The following PSD3 variants were observed in gnomAD, a reference collection of about 807,000 sequenced individuals.
PSD3 encodes the protein PH and SEC7 domain-containing protein 3.
PSD3 carries 49 observed loss-of-function variants against 105.5 expected under a neutral mutation model. That is an observed-to-expected ratio of 0.46 (90% CI 0.37 to 0.59). The LOEUF is 0.59. Among genes scored for constraint, PSD3 ranks in the 20% least tolerant of loss-of-function variants. The pLI is 0.00. For missense variants in PSD3, 1,561 were observed against 1,263.8 expected, an observed-to-expected ratio of 1.24 and a Z score of -3.57; for synonymous variants, 557 against 457.8, an observed-to-expected ratio of 1.22 and a Z score of -2.77.
intron 1 of PSD3, among the ~76,000 whole-genome samples, chr8:19,047,229 C>T (rs1210947035): frequency 6.6e-6 from 1 of 152,182 alleles, no homozygotes; most frequent in Non-Finnish European, 1.5e-5. Context: ...ATTTGCAAGC[C>T]TGGAGGTCCC....
At chr8:18,970,256 C>A (rs1824551840) in intron 1 of PSD3, among the ~76,000 whole-genome samples, 1 of 125,310 alleles carries the variant, frequency 8.0e-6, no homozygotes. Context: ...ACCCGGGAGG[C>A]GGAGCTTGCA....
At chr8:18,965,776 A>C (rs1824201070) in intron 1 of PSD3, among the ~76,000 whole-genome samples, 1 of 152,216 alleles carries the variant, frequency 6.6e-6, no homozygotes, top group Non-Finnish European at 1.5e-5. Flanking sequence ...GGATATTTTC[A>C]CACCCATGAG....
chr8:18,887,268 T>C (rs991170744), intron 2 of PSD3, among the ~76,000 whole-genome samples: 1 of 152,238 alleles, frequency 6.6e-6, no homozygotes, highest in African/African-American at 2.4e-5. Flanking sequence ...ACACAAATCC[T>C]GCTTTGCCAG....
chr8:18,641,166 C>A (rs1463786278), intron 10 of PSD3, among the ~76,000 whole-genome samples: 1 of 152,162 alleles, frequency 6.6e-6, no homozygotes, highest in South Asian at 2.1e-4. Context: ...GTCCCAAAGT[C>A]CACCTTGTAC....
chr8:18,633,214 T>C (rs528239603), intron 10 of PSD3, among the ~76,000 whole-genome samples: 2 of 152,172 alleles, frequency 1.3e-5, no homozygotes, highest in East Asian at 3.9e-4. Flanking sequence ...TTGACTTACG[T>C]ATTTCTACAG....
chr8:19,033,865 T>A (rs1192975816), intron 1 of PSD3, among the ~76,000 whole-genome samples: 1 of 152,048 alleles, frequency 6.6e-6, no homozygotes, highest in Admixed American at 6.6e-5. Context: ...TACAATGTTG[T>A]TAAAGAAAAA....
chr8:18,549,475 TG>T (rs1209048346), intron 15 of PSD3, among the ~76,000 whole-genome samples: 1 of 152,224 alleles, frequency 6.6e-6, no homozygotes, highest in East Asian at 1.9e-4. Flanking sequence ...CCCAAAGTGC[TG>T]GGATTACCAG....
intron 4 of PSD3, among the ~76,000 whole-genome samples, chr8:18,862,301 C>T (rs965571752): frequency 2.0e-5 from 3 of 151,584 alleles, no homozygotes; most frequent in African/African-American, 7.3e-5. Flanking sequence ...TGAAACAATT[C>T]GAAACCAGGA....
chr8:18,542,695 T>C (rs1025596717), intron 15 of PSD3, among the ~76,000 whole-genome samples: 4 of 152,228 alleles, frequency 2.6e-5, no homozygotes, highest in African/African-American at 9.6e-5. Context: ...TGCAGTCAAG[T>C]AGCCTGTTGT....
intron 1 of PSD3, among the ~76,000 whole-genome samples, chr8:19,068,175 A>G (rs975687826): frequency 1.3e-5 from 2 of 152,126 alleles, no homozygotes; most frequent in Admixed American, 6.5e-5. Flanking sequence ...AGAAGAGGAT[A>G]CAGCCCCTTG....
At chr8:19,038,582 T>C (rs938987302) in intron 1 of PSD3, among the ~76,000 whole-genome samples, 1 of 152,180 alleles carries the variant, frequency 6.6e-6, no homozygotes, top group Non-Finnish European at 1.5e-5. Context: ...TGTCTCAGCC[T>C]TCTGAATAGC....
chr8:18,574,345 T>TA (rs1395881610), intron 13 of PSD3, among the ~76,000 whole-genome samples: 1 of 152,210 alleles, frequency 6.6e-6, no homozygotes, highest in Non-Finnish European at 1.5e-5. Context: ...TAGATCTCCT[T>TA]AGTTATTACA....
chr8:18,805,813 T>C (rs1811148979), intron 4 of PSD3, among the ~76,000 whole-genome samples: 1 of 152,206 alleles, frequency 6.6e-6, no homozygotes. Context: ...TTTTCCAAAA[T>C]CCTAACTTTT....
chr8:18,668,096 G>T, intron 9 of PSD3, among the ~76,000 whole-genome samples: 1 of 152,350 alleles, frequency 6.6e-6, no homozygotes, highest in South Asian at 2.1e-4. Flanking sequence ...TGAGGGAGCC[G>T]GCTCCGGCCT....
chr8:18,908,767 C>A (rs1820009580), intron 2 of PSD3, among the ~76,000 whole-genome samples: 1 of 152,194 alleles, frequency 6.6e-6, no homozygotes, highest in Non-Finnish European at 1.5e-5. Context: ...TCATTATCTC[C>A]TTATAAGCAA....
chr8:18,658,424 C>G (rs954009666), intron 9 of PSD3, among the ~76,000 whole-genome samples: 3 of 152,088 alleles, frequency 2.0e-5, no homozygotes, highest in Admixed American at 6.6e-5. Flanking sequence ...TCCCGTGTAG[C>G]CTAGACGTCA....
intron 2 of PSD3, among the ~76,000 whole-genome samples, chr8:18,923,934 T>TGTGTGTGTATTA (rs1821194697): frequency 1.3e-5 from 2 of 151,866 alleles, no homozygotes; most frequent in African/African-American, 4.8e-5. Context: ...TATACATATA[T>TGTGTGTGTATTA]TAAACACCAA....
At chr8:18,719,283 C>A (rs1585720242) in intron 9 of PSD3, among the ~76,000 whole-genome samples, 1 of 152,066 alleles carries the variant, frequency 6.6e-6, no homozygotes, top group Non-Finnish European at 1.5e-5. Flanking sequence ...TGCATTCTGA[C>A]CTTGACTTTT....
intron 9 of PSD3, among the ~76,000 whole-genome samples, chr8:18,737,428 G>A (rs756043984): frequency 6.6e-6 from 1 of 152,038 alleles, no homozygotes; most frequent in Non-Finnish European, 1.5e-5. Context: ...GGGCTCAAGC[G>A]ATCCTCCCAC....
Sources: gnomAD v4.1 joint callset for allele counts (sites outside exome capture counted in the v4.1 genomes callset) on GRCh38, gnomAD v4.1.1 for gene constraint, MANE v1.5 for transcripts, NCBI Gene and HGNC (gene_info 2026-07-23, HGNC 2026-07-21) for gene names.